The following ADAMTSL3 variants were observed in gnomAD, a reference collection of about 807,000 sequenced individuals.
ADAMTSL3 encodes the protein ADAMTS like 3.
Under a neutral mutation model 201.7 loss-of-function variants are expected in ADAMTSL3, and 128 were observed. That is an observed-to-expected ratio of 0.63 (90% CI 0.55 to 0.73). The LOEUF is 0.73. Among genes scored for constraint, ADAMTSL3 ranks in the 30% least tolerant of loss-of-function variants. The pLI is 0.00. For missense variants in ADAMTSL3, 1,990 were observed against 2,119.6 expected (o/e 0.94, Z 1.20); for synonymous variants, 738 against 748.4 (o/e 0.99, Z 0.23).
chr15:83,924,620 C>T (rs1461968693), intron 17 of ADAMTSL3, among the ~76,000 whole-genome samples: 1 of 152,092 alleles, frequency 6.6e-6, no homozygotes, highest in Admixed American at 6.5e-5. Flanking sequence ...AATCTGCTTC[C>T]TTGCTTAAGT....
intron 2 of ADAMTSL3, among the ~76,000 whole-genome samples, chr15:83,656,646 G>A (rs2061088328): frequency 6.6e-6 from 1 of 152,172 alleles, no homozygotes; most frequent in African/African-American, 2.4e-5. Context: ...TAAAGGCAGG[G>A]CACATCTTAG....
chr15:84,009,252 C>T (rs973046839), intron 23 of ADAMTSL3, among the ~76,000 whole-genome samples: 1 of 152,166 alleles, frequency 6.6e-6, no homozygotes, highest in Non-Finnish European at 1.5e-5. Context: ...ACCTTGTCAC[C>T]TACTGCTCTT....
At chr15:84,000,066 A>G (rs1425404216) in intron 23 of ADAMTSL3, among the ~76,000 whole-genome samples, 1 of 152,110 alleles carries the variant, frequency 6.6e-6, no homozygotes, top group Non-Finnish European at 1.5e-5. Context: ...GGCCAAAAAA[A>G]AAAAAGAACT....
At chr15:83,820,130 T>A in intron 6 of ADAMTSL3, 83 bp downstream of exon 6, 1 of 1,250,332 alleles carries the variant, frequency 8.0e-7, no homozygotes. Flanking sequence ...TCTTCTGTAT[T>A]TTTGTTCATG....
intron 23 of ADAMTSL3, among the ~76,000 whole-genome samples, chr15:84,003,700 T>A (rs1288582394): frequency 6.6e-6 from 1 of 152,236 alleles, no homozygotes; most frequent in Non-Finnish European, 1.5e-5. Context: ...GAAATGCCTT[T>A]GCTTGCTCTC....
chr15:83,965,676 A>C (rs1460769562), intron 19 of ADAMTSL3, among the ~76,000 whole-genome samples: 2 of 152,236 alleles, frequency 1.3e-5, no homozygotes, highest in African/African-American at 4.8e-5. Context: ...CTCTGGACCA[A>C]GTGGACCTAA....
At position 84,037,877 on chromosome 15, in the gene ADAMTSL3, T is replaced by G; in HGVS notation, c.*71T>G. 6.6e-7 allele frequency: 1 copy of G among 1,526,408 alleles called. No individual in the cohort carries two copies. The highest frequency in any genetic ancestry group is 1.3e-5 in the South Asian group (1 of 76,448). The allele number at this position is 1,526,408 out of a possible 1,614,324, so 94.6% of individuals were successfully genotyped here. A position where few individuals can be genotyped will look rare whatever the true frequency, so the allele number is the denominator to read the frequency against. On this transcript the variant is annotated 3_prime_UTR_variant, in exon 30 of 30. Transcript: ENST00000286744. ...ATAAAAGCTCTTTTCCCCATGTCGC[T>G]GATTCAAAAACATGTATTTCTTAAA...
intron 19 of ADAMTSL3, among the ~76,000 whole-genome samples, chr15:83,961,353 A>T (rs1036027447): frequency 1.3e-5 from 2 of 152,194 alleles, no homozygotes; most frequent in Non-Finnish European, 2.9e-5. Context: ...ACATAAACAC[A>T]ATTGGTATTT....
chr15:83,958,242 G>A (rs769604623), intron 19 of ADAMTSL3, among the ~76,000 whole-genome samples: 6 of 152,192 alleles, frequency 3.9e-5, no homozygotes, highest in Non-Finnish European at 7.3e-5. Context: ...AGACCAATCA[G>A]CCAAATTGAG....
chr15:84,029,429 T>G (rs2141932160), intron 27 of ADAMTSL3, among the ~76,000 whole-genome samples: 1 of 152,314 alleles, frequency 6.6e-6, no homozygotes, highest in East Asian at 1.9e-4. Flanking sequence ...TGTGGAATGT[T>G]GAACTTGAGA....
chr15:83,807,610 A>G (rs2063621407), intron 5 of ADAMTSL3, among the ~76,000 whole-genome samples: 1 of 152,246 alleles, frequency 6.6e-6, no homozygotes, highest in African/African-American at 2.4e-5. Context: ...CATTCTTCAC[A>G]GAAAAAAAGA....
At chr15:83,869,122 A>C (rs2065034257) in intron 8 of ADAMTSL3, among the ~76,000 whole-genome samples, 1 of 152,222 alleles carries the variant, frequency 6.6e-6, no homozygotes, top group Non-Finnish European at 1.5e-5. Flanking sequence ...ATCAGTGTCT[A>C]GAAACTTGTA....
chr15:84,023,281 G>A (rs1469923773), intron 26 of ADAMTSL3, among the ~76,000 whole-genome samples: 1 of 152,130 alleles, frequency 6.6e-6, no homozygotes, highest in Non-Finnish European at 1.5e-5. Context: ...AAATAAAAAA[G>A]CATTTGTTGA....
At chr15:83,674,380 C>T (rs1162925514) in intron 2 of ADAMTSL3, among the ~76,000 whole-genome samples, 1 of 151,916 alleles carries the variant, frequency 6.6e-6, no homozygotes, top group Non-Finnish European at 1.5e-5. Flanking sequence ...AGACATTCAT[C>T]CTCCATTACA....
intron 2 of ADAMTSL3, among the ~76,000 whole-genome samples, chr15:83,698,749 A>G (rs1194484385): frequency 6.6e-6 from 1 of 152,186 alleles, no homozygotes; most frequent in African/African-American, 2.4e-5. Context: ...TCCTAAGGGA[A>G]GGCCCAATTT....
chr15:83,659,034 G>A (rs149736291), intron 2 of ADAMTSL3, among the ~76,000 whole-genome samples: 7 of 152,328 alleles, frequency 4.6e-5, no homozygotes, highest in South Asian at 2.1e-4. Context: ...AGATGGCTTC[G>A]TGTATATCTG....
chr15:84,037,055 A>G, intron 29 of ADAMTSL3, 68 bp downstream of exon 29: 2 of 1,496,832 alleles, frequency 1.3e-6, no homozygotes, highest in African/African-American at 1.4e-5. Context: ...TGATGCTACC[A>G]TCACGGCACC....
Position 84,014,730 on chromosome 15 carries a change from T to C in ADAMTSL3, c.4156+6T>C, listed in dbSNP as rs1276096062. On this transcript the variant is annotated splice_donor_region_variant and intron_variant, in intron 24 of 29. Transcript: ENST00000286744. ...ATCTGTACTCCACTTGCTGGGTAAG[T>C]GTCAAATTCTTATTGCTCCTTAAGT... The C allele has an allele frequency of 6.2e-7, 1 of 1,604,958 alleles. No homozygotes were observed. The highest frequency in any genetic ancestry group is 8.5e-7 in the Non-Finnish European group (1 of 1,176,334).
At chr15:83,929,777 G>GAGAC (rs1356401665) in intron 17 of ADAMTSL3, among the ~76,000 whole-genome samples, 1 of 150,728 alleles carries the variant, frequency 6.6e-6, no homozygotes, top group South Asian at 2.1e-4. Flanking sequence ...CAGAGAGACA[G>GAGAC]AGACAGACAC....
Sources: gnomAD v4.1 joint callset for allele counts (sites outside exome capture counted in the v4.1 genomes callset) on GRCh38, gnomAD v4.1.1 for gene constraint, MANE v1.5 for transcripts, NCBI Gene and HGNC (gene_info 2026-07-23, HGNC 2026-07-21) for gene names.